The following MLYCD variants were observed in gnomAD, a reference collection of about 807,000 sequenced individuals.
MLYCD encodes malonyl-CoA decarboxylase, mitochondrial.
A neutral mutation model predicts 35.8 loss-of-function variants in MLYCD; 27 were observed. The ratio of observed to expected loss-of-function variants is 0.75; its 90% confidence interval spans 0.56 to 1.04. MLYCD has a LOEUF of 1.04. MLYCD is among the 50% of genes least tolerant of loss of function. The probability of loss-of-function intolerance (pLI) is 0.00; values close to 1 mark genes in which losing one functional copy is unlikely to be tolerated. For synonymous variants in MLYCD, 403 were observed against 302.4 expected, an observed-to-expected ratio of 1.33 and a Z score of -3.45; for missense variants, 917 against 665.1, an observed-to-expected ratio of 1.38 and a Z score of -4.17.
Position 83,915,923 on chromosome 16 carries a change from G to A in MLYCD, c.*434G>A, listed in dbSNP as rs1211269879. ...TTGTGCTCATAAAACAGAATGCGGC[G>A]ATGGTTGCTTTAGCCGTTTCTCACC... is the stretch of plus-strand genomic sequence containing the variant. On this transcript the variant is annotated 3_prime_UTR_variant, in exon 5 of 5. Transcript: ENST00000262430. 4 of 1,079,532 alleles carry A rather than the reference G, an allele frequency of 3.7e-6. No homozygotes were observed. The highest frequency in any genetic ancestry group is 3.4e-6 in the Non-Finnish European group (3 of 885,960). 66.9% of individuals were successfully genotyped at this position (1,079,532 alleles called of 1,614,324 possible). A position where few individuals can be genotyped will look rare whatever the true frequency, so the allele number is the denominator to read the frequency against.
chr16:83,908,891 T>C (rs59847156), intron 3 of MLYCD, among the ~76,000 whole-genome samples: 11,070 of 152,108 alleles, frequency 0.073, 484 homozygotes, highest in East Asian at 0.11. Flanking sequence ...GTGCTAAAGA[T>C]AGGTGGCAGG....
At chr16:83,899,695 C>T (rs1332255916) in intron 1 of MLYCD, 23 bp downstream of exon 1, 1 of 1,493,294 alleles carries the variant, frequency 6.7e-7, no homozygotes. Flanking sequence ...CGTCGATCCC[C>T]CGGCAGCGCG....
At chr16:83,902,858 GCTTGTTA>G (rs775769831) in intron 1 of MLYCD, among the ~76,000 whole-genome samples, 121 of 152,226 alleles carry the variant, frequency 7.9e-4, no homozygotes, top group Middle Eastern at 6.8e-3. Context: ...GAGTTTGGAG[GCTTGTTA>G]CTGCCTGGAT....
intron 1 of MLYCD, among the ~76,000 whole-genome samples, chr16:83,903,955 G>C (rs1004937774): frequency 6.6e-6 from 1 of 152,136 alleles, no homozygotes; most frequent in South Asian, 2.1e-4. Flanking sequence ...ACGTTGCCGC[G>C]TGCTGTGGCT....
chr16:83,910,783 T>G (rs976900075), intron 3 of MLYCD, among the ~76,000 whole-genome samples: 2 of 151,862 alleles, frequency 1.3e-5, no homozygotes. Context: ...TAGAGCACGG[T>G]GCAGGACAGC....
rs1402649946 is a variant in MLYCD at position 83,917,468 on chromosome 16, C to G, written c.*1979C>G. On this transcript the variant is annotated 3_prime_UTR_variant, in exon 5 of 5. Transcript: ENST00000262430. ...TCCTCGCTGTCCTCGGTTTGGCAGA[C>G]AGGTCCCTCACCTTCCTTGCCTTTC... The G allele has an allele frequency of 6.5e-6, 1 of 154,640 alleles. No individual in the cohort carries two copies. Among genetic ancestry groups the G allele is most frequent in the Admixed American group, 6.5e-5 (1 of 15,300 alleles). The allele number at this position is 154,640 out of a possible 1,614,324, so 9.6% of individuals were successfully genotyped here.
At chr16:83,910,211 G>GTTT (rs144044828) in intron 3 of MLYCD, among the ~76,000 whole-genome samples, 1 of 141,166 alleles carries the variant, frequency 7.1e-6, no homozygotes, top group African/African-American at 2.6e-5. Context: ...TTTATGCATG[G>GTTT]TTTTTTTTTT....
At position 83,923,872 on chromosome 16, in the gene MLYCD, G is replaced by A. The variant is rs1907727485; in HGVS notation, c.*8383G>A. On this transcript the variant is annotated 3_prime_UTR_variant, in exon 5 of 5. Coordinates refer to ENST00000262430, the MANE Select transcript of MLYCD (RefSeq NM_012213.3). ...GTGGGCCGCAGGTTTTGGCAAGCCT[G>A]GAGGGGAATAGGTCAGAAAGGTAGC... 6.5e-6 allele frequency: 1 copy of A among 152,708 alleles called. No homozygotes were observed. 9.5% of individuals were successfully genotyped at this position (152,708 alleles called of 1,614,324 possible). A position where few individuals can be genotyped will look rare whatever the true frequency, so the allele number is the denominator to read the frequency against.
intron 3 of MLYCD, among the ~76,000 whole-genome samples, chr16:83,910,521 C>G (rs1257368261): frequency 6.6e-6 from 1 of 151,938 alleles, no homozygotes; most frequent in East Asian, 1.9e-4. Context: ...GAAACCCCGT[C>G]TCTACTAAAA....
At chr16:83,901,435 C>G (rs1906782233) in intron 1 of MLYCD, among the ~76,000 whole-genome samples, 1 of 152,160 alleles carries the variant, frequency 6.6e-6, no homozygotes, top group African/African-American at 2.4e-5. Context: ...ACTAATCATT[C>G]AGCATTTGTG....
Position 83,915,054 on chromosome 16 carries a change from T to G in MLYCD, c.1047T>G (p.His349Gln). The G allele has an allele frequency of 2.5e-6, 4 of 1,614,164 alleles. No homozygotes were observed. The highest frequency in any genetic ancestry group is 3.4e-6 in the Non-Finnish European group (4 of 1,180,032). Residue 349 changes from histidine to glutamine, a missense_variant, in exon 5 of 5, where the codon CAT (histidine) becomes CAG (glutamine). By Grantham distance (24) the His-to-Gln change is conservative (BLOSUM62 0). Coordinates refer to ENST00000262430, the MANE Select transcript of MLYCD (RefSeq NM_012213.3). ...LGLLNSQTKE[H>Q]GRNELFTDSE... Reference sequence around the variant, plus strand: ...TTCTGAACTCGCAAACGAAGGAGCATGGGAGGAATGAACTCTTTACAGATT... The same window carrying G: ...TTCTGAACTCGCAAACGAAGGAGCAGGGGAGGAATGAACTCTTTACAGATT...
intron 1 of MLYCD, among the ~76,000 whole-genome samples, chr16:83,902,194 TTTTTG>T (rs1156604461): frequency 8.3e-5 from 12 of 144,580 alleles, no homozygotes; most frequent in South Asian, 2.2e-4. Flanking sequence ...TATATATGGT[TTTTTG>T]TTTTGTTGTT....
In MLYCD at chr16:83,901,603, A is replaced by G. The variant is rs1414277241; in HGVS notation, c.528+1931A>G. On this transcript the variant is annotated intron_variant, in intron 1 of 4. Coordinates refer to ENST00000262430, the MANE Select transcript of MLYCD (RefSeq NM_012213.3). ...TTTCTCACATCCGGTCCAATTCTGAATTCTCTGGTTCTGTGAGATGCTGTG... is the reference window on the plus strand; with the variant it reads ...TTTCTCACATCCGGTCCAATTCTGAGTTCTCTGGTTCTGTGAGATGCTGTG... Among the ~76,000 whole-genome samples, 6 of 152,296 alleles carry G rather than the reference A, an allele frequency of 3.9e-5. 1 individual carries two copies. The South Asian group carries it at 1.0e-3, about 26-fold the overall frequency.
At chr16:83,903,953 G>A (rs766871377) in intron 1 of MLYCD, among the ~76,000 whole-genome samples, 1 of 152,110 alleles carries the variant, frequency 6.6e-6, no homozygotes, top group Non-Finnish European at 1.5e-5. Context: ...CAACGTTGCC[G>A]CGTGCTGTGG....
rs185523460 is a variant in MLYCD at position 83,900,429 on chromosome 16, C to A, written c.528+757C>A. ...TTAAATACGGCGAAAAACTAACCTG[C>A]CCTTTTTTTATTTTTATTTTTGTTG... On this transcript the variant is annotated intron_variant, in intron 1 of 4. Transcript: ENST00000262430. 5.9e-5 allele frequency among the ~76,000 whole-genome samples: 9 copies of A among 152,084 alleles called. No individual in the cohort carries two copies. In the East Asian group the frequency reaches 1.7e-3, roughly 29 times the overall value.
rs1907828211 is a variant in MLYCD at position 83,926,999 on chromosome 16, AAAAAAAATAAAAAT to A, written c.*11523_*11536del. On this transcript the variant is annotated 3_prime_UTR_variant, in exon 5 of 5. Transcript: ENST00000262430. ...GGCGACAGAGCGAGACTACGTCTCA[AAAAAAAATAAAAAT>A]AAAAAAATAAAATCCTAACAGGTAG... 6.8e-6 allele frequency: 1 copy of A among 147,206 alleles called. No homozygotes were observed. The highest frequency in any genetic ancestry group is 2.6e-5 in the African/African-American group (1 of 38,490). 9.1% of individuals were successfully genotyped at this position (147,206 alleles called of 1,614,324 possible).
intron 3 of MLYCD, among the ~76,000 whole-genome samples, chr16:83,909,883 G>A (rs1364438860): frequency 4.0e-5 from 6 of 151,348 alleles, no homozygotes; most frequent in Admixed American, 6.6e-5. Flanking sequence ...TCTGCCCGCC[G>A]CGGCTTCCCA....
Position 83,899,491 on chromosome 16 carries a change from A to G in MLYCD, c.347A>G (p.Gln116Arg). Residue 116 changes from glutamine to arginine, a missense_variant, in exon 1 of 5, where the codon CAG becomes CGG. Coordinates refer to ENST00000262430, the MANE Select transcript of MLYCD (RefSeq NM_012213.3). ...SAGVLHLRQQ[Q>R]REAAVLLQAE... ...GGCGTGCTCCATCTGCGCCAGCAGC[A>G]GCGGGAGGCGGCGGTGCTGCTGCAG... 2 of 1,566,700 alleles carry G rather than the reference A, an allele frequency of 1.3e-6. No individual in the cohort carries two copies. Among genetic ancestry groups the G allele is most frequent in the South Asian group, 1.1e-5 (1 of 87,818 alleles).
At chr16:83,904,591 C>A (rs765629977) in intron 1 of MLYCD, among the ~76,000 whole-genome samples, 7 of 152,098 alleles carry the variant, frequency 4.6e-5, no homozygotes, top group Non-Finnish European at 8.8e-5. Context: ...GAATGCTTTG[C>A]GAACTATAAA....
Sources: allele counts gnomAD v4.1 joint callset (sites outside exome capture counted in the v4.1 genomes callset), GRCh38; gene constraint gnomAD v4.1.1; transcripts MANE v1.5; gene names NCBI Gene and HGNC (gene_info 2026-07-23, HGNC 2026-07-21).